LRRC4C: variants seen among roughly 807,000 people sequenced by gnomAD.
The protein encoded by LRRC4C is leucine-rich repeat-containing protein 4C.
A neutral mutation model predicts 33.6 loss-of-function variants in LRRC4C; 5 were observed. The ratio of observed to expected loss-of-function variants is 0.15; its 90% CI spans 0.08 to 0.31. The LOEUF (loss-of-function observed/expected upper bound fraction) is 0.31, where lower values mean the gene tolerates loss of function less well. LRRC4C is among the 10% of genes least tolerant of loss of function. The pLI is 1.00. For missense variants in LRRC4C, 560 were observed against 796.7 expected (o/e 0.70, Z 3.58); for synonymous variants, 329 against 302.0 (o/e 1.09, Z -0.93).
At chr11:40,697,429 G>T (rs1945622988) in intron 2 of LRRC4C, among the ~76,000 whole-genome samples, 1 of 152,058 alleles carries the variant, frequency 6.6e-6, no homozygotes, top group African/African-American at 2.4e-5. Context: ...GCACTTTTTG[G>T]ATATACATTA....
At chr11:40,433,337 T>G (rs979432269) in intron 3 of LRRC4C, among the ~76,000 whole-genome samples, 3 of 152,172 alleles carry the variant, frequency 2.0e-5, no homozygotes, top group Non-Finnish European at 2.9e-5. Context: ...GAAACATTGC[T>G]TGGATATCAT....
At chr11:41,139,411 G>T (rs1339915262) in intron 1 of LRRC4C, among the ~76,000 whole-genome samples, 1 of 152,108 alleles carries the variant, frequency 6.6e-6, no homozygotes, top group Non-Finnish European at 1.5e-5. Context: ...TAGTTACAAA[G>T]GTCTATACCA....
At chr11:40,340,271 A>T (rs1946808290) in intron 3 of LRRC4C, among the ~76,000 whole-genome samples, 1 of 152,210 alleles carries the variant, frequency 6.6e-6, no homozygotes. Flanking sequence ...TCACATGGTC[A>T]GAAACATGAG....
At chr11:41,038,062 C>A (rs1857207390) in intron 1 of LRRC4C, among the ~76,000 whole-genome samples, 1 of 152,170 alleles carries the variant, frequency 6.6e-6, no homozygotes, top group African/African-American at 2.4e-5. Flanking sequence ...GTCTACGAGA[C>A]AATCTAAAAA....
intron 1 of LRRC4C, among the ~76,000 whole-genome samples, chr11:41,360,211 A>G (rs538006563): frequency 1.3e-5 from 2 of 152,116 alleles, no homozygotes; most frequent in Admixed American, 1.3e-4. Flanking sequence ...AACAAACAGA[A>G]TAAAATCAAG....
chr11:40,756,654 G>A (rs1301171355), intron 2 of LRRC4C, among the ~76,000 whole-genome samples: 3 of 151,978 alleles, frequency 2.0e-5, no homozygotes, highest in Admixed American at 6.6e-5. Context: ...CACCTCAAAA[G>A]TTAAACTGGT....
intron 2 of LRRC4C, among the ~76,000 whole-genome samples, chr11:40,770,742 G>T (rs1949716490): frequency 6.6e-6 from 1 of 152,084 alleles, no homozygotes; most frequent in Admixed American, 6.5e-5. Context: ...AAAATAAAGG[G>T]GCTACAGGCC....
At chr11:41,372,932 A>T (rs576253791) in intron 1 of LRRC4C, among the ~76,000 whole-genome samples, 89 of 152,290 alleles carry the variant, frequency 5.8e-4, no homozygotes, top group African/African-American at 2.0e-3. Flanking sequence ...TTTAATCACT[A>T]AACAGATTTA....
chr11:40,409,152 A>G (rs1950066925), intron 3 of LRRC4C, among the ~76,000 whole-genome samples: 2 of 152,018 alleles, frequency 1.3e-5, no homozygotes, highest in African/African-American at 4.8e-5. Context: ...ATAAGGGAAG[A>G]CATTTTCTTA....
chr11:40,620,673 C>T (rs780382902), intron 3 of LRRC4C, among the ~76,000 whole-genome samples: 2 of 151,760 alleles, frequency 1.3e-5, no homozygotes, highest in Non-Finnish European at 2.9e-5. Context: ...ACAGAAGCCC[C>T]ATTCAAGCTG....
rs573313176 is a variant in LRRC4C, at chr11:41,323,557, C to T, written c.-496+135874G>A. On this transcript the variant is annotated intron_variant, in intron 1 of 6. Transcript: ENST00000528697. Reference sequence around the variant, plus strand: ...GTTCCTTTCTTCCAAATCTGAAATACATTACAAAATCCACTTACAGGAAAA... The same window carrying T: ...GTTCCTTTCTTCCAAATCTGAAATATATTACAAAATCCACTTACAGGAAAA... 2.0e-5 allele frequency among the ~76,000 whole-genome samples: 3 copies of T among 152,290 alleles called. No individual in the cohort carries two copies. In the South Asian group the frequency reaches 6.2e-4, roughly 32 times the overall value.
intron 1 of LRRC4C, among the ~76,000 whole-genome samples, chr11:41,385,527 G>A (rs1953327867): frequency 6.6e-6 from 1 of 151,474 alleles, no homozygotes; most frequent in African/African-American, 2.4e-5. Flanking sequence ...ATTGGTCAAG[G>A]AAGAAATACA....
chr11:40,808,823 A>G (rs2135364373), intron 2 of LRRC4C, among the ~76,000 whole-genome samples: 1 of 152,318 alleles, frequency 6.6e-6, no homozygotes, highest in Non-Finnish European at 1.5e-5. Flanking sequence ...AGGATTGATG[A>G]AAAATAGTGT....
At chr11:41,377,103 G>A (rs1952964359) in intron 1 of LRRC4C, among the ~76,000 whole-genome samples, 1 of 152,168 alleles carries the variant, frequency 6.6e-6, no homozygotes, top group Non-Finnish European at 1.5e-5. Context: ...TCAAGTTTGT[G>A]CAGAGTTCAT....
intron 1 of LRRC4C, among the ~76,000 whole-genome samples, chr11:41,412,100 C>G (rs1954510338): frequency 6.6e-6 from 1 of 152,194 alleles, no homozygotes; most frequent in African/African-American, 2.4e-5. Context: ...ATATTTGTGA[C>G]AGCTTGTTTT....
At chr11:40,898,773 AG>A (rs1330409661) in intron 2 of LRRC4C, among the ~76,000 whole-genome samples, 3 of 145,912 alleles carry the variant, frequency 2.1e-5, no homozygotes. Context: ...TATTTGATAA[AG>A]AAAAAAAAAA....
chr11:41,344,805 C>T (rs928070914), intron 1 of LRRC4C, among the ~76,000 whole-genome samples: 1 of 152,084 alleles, frequency 6.6e-6, no homozygotes, highest in African/African-American at 2.4e-5. Flanking sequence ...CTATTTAATC[C>T]AAAATGGGTA....
At chr11:40,960,235 T>A (rs963419011) in intron 1 of LRRC4C, among the ~76,000 whole-genome samples, 14 of 151,814 alleles carry the variant, frequency 9.2e-5, no homozygotes, top group Admixed American at 7.9e-4. Context: ...CATTATAAAG[T>A]CTTTTGAAGG....
At chr11:41,182,200 A>G (rs1414873260) in intron 1 of LRRC4C, among the ~76,000 whole-genome samples, 1 of 152,222 alleles carries the variant, frequency 6.6e-6, no homozygotes, top group African/African-American at 2.4e-5. Context: ...GATACCATTT[A>G]TATGCTCCAG....
Sources: allele counts gnomAD v4.1 joint callset (sites outside exome capture counted in the v4.1 genomes callset), GRCh38; gene constraint gnomAD v4.1.1; transcripts MANE v1.5; gene names NCBI Gene and HGNC (gene_info 2026-07-23, HGNC 2026-07-21).